The following PTRH2 variants were observed in gnomAD, a reference collection of about 807,000 sequenced individuals.
PTRH2 encodes peptidyl-tRNA hydrolase 2.
A neutral mutation model predicts 12.3 loss-of-function variants in PTRH2; 10 were observed. The ratio of observed to expected loss-of-function variants is 0.81; its 90% confidence interval spans 0.50 to 1.38. The LOEUF is 1.38. Ranked by LOEUF, PTRH2 falls within the 40% of genes most tolerant of loss-of-function variation. PTRH2 has a pLI of 0.00. For synonymous variants in PTRH2, 73 were observed against 77.4 expected (o/e 0.94, Z 0.30); for missense variants, 176 against 214.1 (o/e 0.82, Z 1.11).
At chr17:59,698,024 T>TA (rs1455387688) in intron 1 of PTRH2, 46 bp from the exon 2 acceptor site, 1 of 1,561,832 alleles carries the variant, frequency 6.4e-7, no homozygotes, top group African/African-American at 1.4e-5. Context: ...AGTAACAACT[T>TA]ACAGAGGTAT....
intron 1 of PTRH2, among the ~76,000 whole-genome samples, chr17:59,702,918 T>A (rs1311481441): frequency 6.6e-6 from 1 of 152,206 alleles, no homozygotes; most frequent in Non-Finnish European, 1.5e-5. Flanking sequence ...TTTTGCCCTA[T>A]TGTACGCTAA....
intron 1 of PTRH2, chr17:59,700,988 T>G (rs564666888): frequency 2.0e-5 from 3 of 152,340 alleles, no homozygotes; most frequent in African/African-American, 7.2e-5. Context: ...ATGGTTAAGA[T>G]TAATGATGAC....
intron 1 of PTRH2, among the ~76,000 whole-genome samples, chr17:59,707,032 A>G (rs1053589670): frequency 6.6e-6 from 1 of 152,192 alleles, no homozygotes; most frequent in African/African-American, 2.4e-5. Flanking sequence ...CGACAGCTCG[A>G]AACGCTGGGG....
At chr17:59,698,875 A>G (rs2033502761) in intron 1 of PTRH2, 1 of 716,618 alleles carries the variant, frequency 1.4e-6, no homozygotes, top group African/African-American at 1.7e-5. Context: ...ACTCACCATT[A>G]ATTTACACAG....
In PTRH2 at chr17:59,703,780, A is replaced by G. The variant is rs1295211654; in HGVS notation, c.-1+3591T>C. ...CTCGGCCTCCCAAAGTGCTGGGATT[A>G]CGGGCGTGAGCCACCATGCCCTGCC... is the stretch of plus-strand genomic sequence containing the variant. On this transcript the variant is annotated intron_variant, in intron 1 of 1. Transcript: ENST00000393038. Among the ~76,000 whole-genome samples, 222 of 132,102 alleles carry G rather than the reference A, an allele frequency of 1.7e-3. No individual in the cohort carries two copies. In the Middle Eastern group the frequency reaches 0.031, roughly 18 times the overall value. The allele number at this position is 132,102 out of a possible 152,430, so 86.7% of individuals were successfully genotyped here.
intron 1 of PTRH2, among the ~76,000 whole-genome samples, chr17:59,703,961 C>T (rs565414278): frequency 6.6e-6 from 1 of 150,860 alleles, no homozygotes; most frequent in Non-Finnish European, 1.5e-5. Flanking sequence ...GCATGTGCTA[C>T]CACACCCGGC....
rs796688215 is a variant in PTRH2, at chr17:59,699,139, C to A, written c.1-1161G>T. On this transcript the variant is annotated intron_variant, in intron 1 of 1. Transcript: ENST00000393038. Reference sequence around the variant, plus strand: ...TATATTTCTCTGTAGCAAGCAAGAGCATCCTGTATCTGCGCCTGTCAACTG... The same window carrying A: ...TATATTTCTCTGTAGCAAGCAAGAGAATCCTGTATCTGCGCCTGTCAACTG... 9.3e-6 allele frequency: 3 copies of A among 322,730 alleles called. No homozygotes were observed. In the African/African-American group the frequency reaches 2.9e-4, roughly 31 times the overall value. 20.0% of individuals were successfully genotyped at this position (322,730 alleles called of 1,614,324 possible).
rs750740618 is a variant in PTRH2 at position 59,697,775 on chromosome 17, A to G, written c.204T>C (p.Ile68=). 1.3e-5 allele frequency: 21 copies of G among 1,614,060 alleles called. No individual in the cohort carries two copies. Among genetic ancestry groups the G allele is most frequent in the Non-Finnish European group, 1.5e-5 (18 of 1,180,044 alleles). ...TCTTTAAGTCATTTCGAACCACAAG[A>G]ATCATCTTGTACTCCCCGCTGTCTC... The part of the protein sequence containing the change: ...ILGDSGEYKM[I]LVVRNDLKMG... Residue 68 remains isoleucine, a synonymous_variant, in exon 2 of 2, where the codon ATT becomes ATC. Coordinates refer to ENST00000393038, the MANE Select transcript of PTRH2 (RefSeq NM_016077.5).
intron 1 of PTRH2, among the ~76,000 whole-genome samples, chr17:59,706,773 A>C (rs377289093): frequency 9.3e-4 from 141 of 151,444 alleles, no homozygotes; most frequent in African/African-American, 3.3e-3. Flanking sequence ...TCCCGAGTTC[A>C]AGTCATTCTC....
At position 59,697,765 on chromosome 17, in the gene PTRH2, G is replaced by C. The variant is rs753741114; in HGVS notation, c.214C>G (p.Arg72Gly). 1.2e-6 allele frequency: 2 copies of C among 1,614,104 alleles called. No individual in the cohort carries two copies. Among genetic ancestry groups the C allele is most frequent in the East Asian group, 2.2e-5 (1 of 44,890 alleles). Reference sequence around the variant, plus strand: ...CCTTTTCCCATCTTTAAGTCATTTCGAACCACAAGAATCATCTTGTACTCC... The same window carrying C: ...CCTTTTCCCATCTTTAAGTCATTTCCAACCACAAGAATCATCTTGTACTCC... ...SGEYKMILVV[R>G]NDLKMGKGKV... The change falls in exon 2 of 2, where the codon CGA becomes GGA. Residue 72 changes from arginine (R) to glycine (G), a missense_variant. Physicochemically the swap from Arg to Gly is moderately radical, Grantham distance 125 (BLOSUM62 -2). Coordinates refer to ENST00000393038, the MANE Select transcript of PTRH2 (RefSeq NM_016077.5).
chr17:59,702,296 G>A (rs372334892), intron 1 of PTRH2, among the ~76,000 whole-genome samples: 22 of 152,136 alleles, frequency 1.4e-4, no homozygotes, highest in Admixed American at 1.4e-3. Flanking sequence ...CAGTCCCATC[G>A]GGGGTGAGAT....
At chr17:59,698,257 CCTTAGTCTTGT>C (rs2033486062) in intron 1 of PTRH2, 1 of 438,798 alleles carries the variant, frequency 2.3e-6, no homozygotes, top group Non-Finnish European at 4.1e-6. Flanking sequence ...CTCAGTCTTC[CCTTAGTCTTGT>C]GGAGATGTTC....
At chr17:59,704,811 C>T (rs745574140) in intron 1 of PTRH2, among the ~76,000 whole-genome samples, 18 of 151,960 alleles carry the variant, frequency 1.2e-4, no homozygotes, top group Admixed American at 3.9e-4. Flanking sequence ...TTTCTTAAGA[C>T]GGCATCTCAC....
chr17:59,702,039 A>G (rs536869739), intron 1 of PTRH2, among the ~76,000 whole-genome samples: 1 of 152,158 alleles, frequency 6.6e-6, no homozygotes, highest in East Asian at 1.9e-4. Context: ...TTTCCACAAT[A>G]CTTTGACATG....
intron 1 of PTRH2, among the ~76,000 whole-genome samples, chr17:59,705,816 A>C (rs1474292437): frequency 6.6e-6 from 1 of 151,930 alleles, no homozygotes; most frequent in African/African-American, 2.4e-5. Context: ...GGGATAAGGT[A>C]GGAGGACACC....
chr17:59,705,915 A>AC (rs1046328609), intron 1 of PTRH2, among the ~76,000 whole-genome samples: 10 of 152,224 alleles, frequency 6.6e-5, no homozygotes, highest in Non-Finnish European at 8.8e-5. Context: ...TCTCCAAAAA[A>AC]AAAAAAAAAC....
At chr17:59,703,674 G>C (rs1476264286) in intron 1 of PTRH2, among the ~76,000 whole-genome samples, 4 of 151,666 alleles carry the variant, frequency 2.6e-5, no homozygotes, top group African/African-American at 7.3e-5. Context: ...CGAGCTAATT[G>C]TTTGTATTTT....
intron 1 of PTRH2, chr17:59,700,019 C>T (rs1179932529): frequency 6.6e-6 from 1 of 152,272 alleles, no homozygotes; most frequent in Non-Finnish European, 1.5e-5. Flanking sequence ...CTCGCTGCCG[C>T]TGCCCAGCAT....
At chr17:59,699,925 A>G (rs1245192737) in intron 1 of PTRH2, 1 of 152,316 alleles carries the variant, frequency 6.6e-6, no homozygotes, top group Admixed American at 6.5e-5. Flanking sequence ...ACAAAACACA[A>G]TATCCAAAAA....
Sources: allele counts gnomAD v4.1 joint callset (sites outside exome capture counted in the v4.1 genomes callset), GRCh38; gene constraint gnomAD v4.1.1; transcripts MANE v1.5; gene names NCBI Gene and HGNC (gene_info 2026-07-23, HGNC 2026-07-21).